MICAL2: variants seen among roughly 807,000 people sequenced by gnomAD.
MICAL2 encodes microtubule associated monooxygenase, calponin and LIM domain containing 2.
In MICAL2, 77 loss-of-function variants were observed where a neutral mutation model predicts 127.3. The ratio of observed to expected loss-of-function variants is 0.60; its 90% CI spans 0.50 to 0.73. MICAL2 has a LOEUF of 0.73. MICAL2 is among the 30% of genes least tolerant of loss of function. The pLI, the probability that MICAL2 is intolerant of heterozygous loss-of-function variation, is 0.00. For missense variants in MICAL2, 1,351 were observed against 1,434.4 expected, an observed-to-expected ratio of 0.94 and a Z score of 0.94; for synonymous variants, 570 against 551.1, an observed-to-expected ratio of 1.03 and a Z score of -0.48.
At chr11:12,187,327 G>A (rs1011898182) in intron 3 of MICAL2, among the ~76,000 whole-genome samples, 1 of 152,212 alleles carries the variant, frequency 6.6e-6, no homozygotes, top group Non-Finnish European at 1.5e-5. Context: ...TGTGAATTAT[G>A]TGTGCTTCAG....
intron 10 of MICAL2, 111 bp downstream of exon 10, chr11:12,221,870 C>G: frequency 1.4e-6 from 1 of 731,864 alleles, no homozygotes; most frequent in Non-Finnish European, 2.2e-6. Context: ...TCTGCCTCCT[C>G]CATTCTACCT....
chr11:12,287,304 T>C, exon 3 of MICAL2: 1 of 393,728 alleles, frequency 2.5e-6, no homozygotes, highest in Non-Finnish European at 4.5e-6. Context: ...AGAAATAAAA[T>C]ATAAGCTTGA....
chr11:12,168,837 C>G (rs1012065491), intron 3 of MICAL2, among the ~76,000 whole-genome samples: 1 of 151,052 alleles, frequency 6.6e-6, no homozygotes, highest in Admixed American at 6.6e-5. Flanking sequence ...GTCCCAGCTA[C>G]GTGGGAGGCT....
Position 12,110,724 on chromosome 11 carries a change from T to G in MICAL2, c.-151T>G, listed in dbSNP as rs558850548. The G allele has an allele frequency of 7.1e-6, 1 of 141,222 alleles. No individual in the cohort carries two copies. Among genetic ancestry groups the G allele is most frequent in the African/African-American group, 2.6e-5 (1 of 39,100 alleles). The allele number at this position is 141,222 out of a possible 1,614,324, so 8.7% of individuals were successfully genotyped here. ...CGGGGCCGGGCAGCCCGCGCGACTT[T>G]CGGTAAGGCGGGGGCGGCGCTGGCC... On this transcript the variant is annotated splice_region_variant and 5_prime_UTR_variant, in exon 1 of 28. Coordinates refer to ENST00000683283, the MANE Select transcript of MICAL2 (RefSeq NM_001282663.2). The surrounding 1 kb of genome is among the most constrained non-coding windows in gnomAD (Gnocchi z 4.5).
intron 24 of MICAL2, among the ~76,000 whole-genome samples, 165 bp from the exon 25 acceptor site, chr11:12,258,303 C>T (rs1216176983): frequency 6.6e-6 from 1 of 152,164 alleles, no homozygotes; most frequent in African/African-American, 2.4e-5. Context: ...AGTGCCACTT[C>T]TTTAAGGAAG....
intron 3 of MICAL2, among the ~76,000 whole-genome samples, chr11:12,192,315 G>A (rs1859294223): frequency 6.6e-6 from 1 of 152,158 alleles, no homozygotes; most frequent in South Asian, 2.1e-4. Flanking sequence ...CTCCAGGTGG[G>A]ACTCACTCAC....
chr11:12,208,202 C>T (rs1854976029), intron 5 of MICAL2, 63 bp downstream of exon 5: 1 of 1,312,598 alleles, frequency 7.6e-7, no homozygotes, highest in East Asian at 2.3e-5. Flanking sequence ...ATTCCACTTG[C>T]TGCTTCCAAA....
At chr11:12,201,197 C>CTGAA (rs1454960302) in intron 3 of MICAL2, among the ~76,000 whole-genome samples, 1 of 152,068 alleles carries the variant, frequency 6.6e-6, no homozygotes, top group Non-Finnish European at 1.5e-5. Context: ...CACTCACTCC[C>CTGAA]TGAAGTCTCC....
intron 3 of MICAL2, among the ~76,000 whole-genome samples, chr11:12,188,704 C>T (rs1313694083): frequency 6.6e-6 from 1 of 152,126 alleles, no homozygotes; most frequent in Non-Finnish European, 1.5e-5. Flanking sequence ...GAGTCAGATA[C>T]CTGTGACCCT....
At chr11:12,306,304 C>A (rs1269815780) in intron 29 of MICAL2, among the ~76,000 whole-genome samples, 3 of 151,612 alleles carry the variant, frequency 2.0e-5, no homozygotes, top group African/African-American at 7.3e-5. Flanking sequence ...TGAGATTTAT[C>A]CTCATTGTTT....
chr11:12,119,626 G>T (rs1850339361), intron 1 of MICAL2, among the ~76,000 whole-genome samples: 1 of 152,188 alleles, frequency 6.6e-6, no homozygotes, highest in Non-Finnish European at 1.5e-5. Context: ...ACCTGCAGTG[G>T]TTGAGGCCCG....
intron 3 of MICAL2, among the ~76,000 whole-genome samples, chr11:12,176,386 G>A (rs190121599): frequency 1.1e-3 from 162 of 152,276 alleles, no homozygotes; most frequent in Non-Finnish European, 2.0e-3. Context: ...TGGGGTAAAG[G>A]CTATGTGAGA....
At chr11:12,272,816 C>A (rs16910954), upstream of MICAL2, among the ~76,000 whole-genome samples, 11,923 of 150,880 alleles carry the variant, frequency 0.079, 737 homozygotes, top group African/African-American at 0.18. Context: ...TAGTGGCCAC[C>A]TGCGACAAGT....
intron 8 of MICAL2, among the ~76,000 whole-genome samples, chr11:12,219,492 C>A (rs1373306908): frequency 4.6e-5 from 6 of 129,612 alleles, no homozygotes; most frequent in Non-Finnish European, 7.7e-5. Flanking sequence ...CACACCATTG[C>A]TCTCTAACCT....
chr11:12,291,713 G>A (rs144356733), downstream of MICAL2, among the ~76,000 whole-genome samples: 1 of 152,236 alleles, frequency 6.6e-6, no homozygotes, highest in Non-Finnish European at 1.5e-5. Context: ...TGTCTATCCT[G>A]TCTGTGCCCA....
rs758605742 is a variant in MICAL2, at chr11:12,255,730, C to T, written c.2935C>T (p.Gln979Ter). 1 of 1,613,692 alleles carries T rather than the reference C, an allele frequency of 6.2e-7. No individual in the cohort carries two copies. The highest frequency in any genetic ancestry group is 8.5e-7 in the Non-Finnish European group (1 of 1,179,776). ...LYMNDHRPKA[Q>*]ATSPDLESMR... ...CATGAATGATCACAGACCTAAGGCC[C>T]AGGCCACCTCTCCAGACCTGGTAAG... The change falls in exon 23 of 28, where the codon CAG becomes TAG. Residue 979 changes from glutamine (Q) to a stop codon, truncating the protein, a stop_gained. Transcript: ENST00000683283. LOFTEE classifies it high-confidence loss of function.
At chr11:12,226,397 T>C in intron 14 of MICAL2, 27 bp downstream of exon 14, 6 of 1,610,208 alleles carry the variant, frequency 3.7e-6, no homozygotes, top group Non-Finnish European at 5.1e-6. Context: ...AGGTTTTGCT[T>C]AGCCCCTTGA....
In MICAL2 at chr11:12,281,069, C is replaced by T. The variant is rs1390337788; in HGVS notation, c.226C>T (p.Gln76Ter). The T allele has an allele frequency of 7.5e-6, 3 of 398,882 alleles. No individual in the cohort carries two copies. Among genetic ancestry groups the T allele is most frequent in the Admixed American group, 4.4e-5 (1 of 22,720 alleles). 24.7% of individuals were successfully genotyped at this position (398,882 alleles called of 1,614,324 possible). The change falls in exon 2 of 3, where the codon CAG (glutamine) becomes TAG (stop). Residue 76 changes from glutamine to a stop codon, truncating the protein, a stop_gained. Coordinates refer to the MICAL2 transcript ENST00000529028. LOFTEE classifies it low-confidence loss of function (END_TRUNC). ...GGCCCTGAGCAGGGCAGTCTCTCCACAGTGCCCTGAGGAGCCCAGAGCTGT... is the reference window on the plus strand; with the variant it reads ...GGCCCTGAGCAGGGCAGTCTCTCCATAGTGCCCTGAGGAGCCCAGAGCTGT...
intron 29 of MICAL2, among the ~76,000 whole-genome samples, chr11:12,317,805 A>AG (rs398115065): frequency 6.6e-6 from 1 of 151,604 alleles, no homozygotes; most frequent in African/African-American, 2.4e-5. Context: ...AAAAAAAAAA[A>AG]GTACTAGAAT....
Sources: gnomAD v4.1 joint callset for allele counts (sites outside exome capture counted in the v4.1 genomes callset) on GRCh38, gnomAD v4.1.1 for gene constraint, Gnocchi (gnomAD v3.1) non-coding constraint, MANE v1.5 for transcripts, NCBI Gene and HGNC (gene_info 2026-07-23, HGNC 2026-07-21) for gene names.